EYA4: variants seen among roughly 807,000 people sequenced by gnomAD.
EYA4 encodes EYA transcriptional coactivator and phosphatase 4.
Under a neutral mutation model 87.9 loss-of-function variants are expected in EYA4, and 31 were observed. The observed-to-expected ratio is 0.35, with a 90% CI of 0.27 to 0.48. EYA4 has a LOEUF of 0.48. EYA4 is among the 20% of genes least tolerant of loss of function. EYA4 has a pLI of 0.99. For synonymous variants in EYA4, 263 were observed against 270.6 expected, an observed-to-expected ratio of 0.97 and a Z score of 0.28; for missense variants, 678 against 761.4, an observed-to-expected ratio of 0.89 and a Z score of 1.29.
Position 133,382,401 on chromosome 6 carries a change from A to C in EYA4, c.43A>C (p.Thr15Pro), listed in dbSNP as rs1359824142. The C allele has an allele frequency of 6.2e-7, 1 of 1,609,488 alleles. No homozygotes were observed. The highest frequency in any genetic ancestry group is 1.3e-5 in the African/African-American group (1 of 74,808). Reference sequence around the variant, plus strand: ...TACTCTTTTCTTACAGGTAAAGAAAACGTGCACAGAATCAGATGTTTCACA... The same window carrying C: ...TACTCTTTTCTTACAGGTAAAGAAACCGTGCACAGAATCAGATGTTTCACA... Reference protein sequence around the residue: ...QDLNEQSVKKTCTESDVSQSQ... With the variant: ...QDLNEQSVKKPCTESDVSQSQ... Residue 15 changes from threonine to proline, a missense_variant, in exon 3 of 20, where the codon ACG (threonine) becomes CCG (proline). Coordinates refer to ENST00000355286, the MANE Select transcript of EYA4 (RefSeq NM_004100.5).
rs527474450 is a variant in EYA4, at chr6:133,491,225, T to A, written c.1191+8110T>A. 2.0e-5 allele frequency among the ~76,000 whole-genome samples: 3 copies of A among 151,980 alleles called. No homozygotes were observed. In the South Asian group the frequency reaches 6.2e-4, roughly 32 times the overall value. On this transcript the variant is annotated intron_variant, in intron 13 of 19. Coordinates refer to ENST00000355286, the MANE Select transcript of EYA4 (RefSeq NM_004100.5). The stretch of plus-strand genomic sequence containing the variant: ...AGTGAAAGCAGCACTAAGAGGAAAG[T>A]TTATAGCTATAATTGTCTGCATCAA...
chr6:133,503,616 C>G (rs1042843569), intron 13 of EYA4, among the ~76,000 whole-genome samples: 4 of 152,044 alleles, frequency 2.6e-5, no homozygotes, highest in African/African-American at 4.8e-5. Flanking sequence ...TTGATTTTTC[C>G]TGATATTTCT....
At chr6:133,376,505 CATTAATGTTTCACGATTTGTAATCAGA>C (rs1182983663) in intron 2 of EYA4, among the ~76,000 whole-genome samples, 2 of 151,698 alleles carry the variant, frequency 1.3e-5, no homozygotes, top group Non-Finnish European at 2.9e-5. Flanking sequence ...TTTTTATTCC[CATTAATGTTTCACGATTTGTAATCAGA>C]ACTATTCACT....
chr6:133,272,598 T>A lies in EYA4; in HGVS notation c.-65-2118T>A, dbSNP rs1253565655. Among the ~76,000 whole-genome samples, 2 of 152,186 alleles carry A rather than the reference T, an allele frequency of 1.3e-5. 1 individual carries two copies. The highest frequency in any genetic ancestry group is 4.8e-5 in the African/African-American group (2 of 41,450). On this transcript the variant is annotated intron_variant, in intron 1 of 19. Coordinates refer to ENST00000355286, the MANE Select transcript of EYA4 (RefSeq NM_004100.5). ...CTGTCTCTCAAAAGGAAGGTAGTTA[T>A]CTGTAGAAGATGGTTGGGCCTTGCT... is the stretch of plus-strand genomic sequence containing the variant.
At chr6:133,407,815 A>G (rs1788855074) in intron 3 of EYA4, among the ~76,000 whole-genome samples, 1 of 152,272 alleles carries the variant, frequency 6.6e-6, no homozygotes, top group African/African-American at 2.4e-5. Context: ...AAACCAACTC[A>G]TATTTCTCAA....
chr6:133,260,915 G>T (rs1017239306), intron 1 of EYA4, among the ~76,000 whole-genome samples: 1 of 151,932 alleles, frequency 6.6e-6, no homozygotes, highest in African/African-American at 2.4e-5. Flanking sequence ...CCTGCCCATC[G>T]CCATAAAAGA....
At chr6:133,380,888 T>C (rs1358640180) in intron 2 of EYA4, among the ~76,000 whole-genome samples, 1 of 144,928 alleles carries the variant, frequency 6.9e-6, no homozygotes, top group African/African-American at 2.6e-5. Flanking sequence ...TTCTTCTTCT[T>C]CCCTCCCCTC....
At chr6:133,293,785 A>C (rs1778684711) in intron 2 of EYA4, among the ~76,000 whole-genome samples, 1 of 151,290 alleles carries the variant, frequency 6.6e-6, no homozygotes, top group African/African-American at 2.4e-5. Context: ...AAACATACAA[A>C]AATTAGACAG....
intron 1 of EYA4, among the ~76,000 whole-genome samples, chr6:133,272,475 A>G (rs1776777758): frequency 3.3e-5 from 5 of 152,280 alleles, no homozygotes; most frequent in South Asian, 4.1e-4. Context: ...TGGGTCAGAA[A>G]GCTCCCAGTT....
intron 3 of EYA4, among the ~76,000 whole-genome samples, chr6:133,383,540 A>AAAAC (rs1786434637): frequency 1.3e-5 from 2 of 150,434 alleles, no homozygotes; most frequent in African/African-American, 4.9e-5. Flanking sequence ...AAAAAAAAAA[A>AAAAC]AAAAATGTAA....
intron 2 of EYA4, among the ~76,000 whole-genome samples, chr6:133,347,743 T>A (rs906893581): frequency 2.0e-5 from 3 of 152,204 alleles, no homozygotes. Context: ...ACAGAGTGGT[T>A]AAATAACTTG....
At chr6:133,258,684 T>G (rs529325557) in intron 1 of EYA4, among the ~76,000 whole-genome samples, 105 of 152,238 alleles carry the variant, frequency 6.9e-4, no homozygotes, top group Non-Finnish European at 1.4e-3. Flanking sequence ...ACTTGGTTTC[T>G]GCTTGTATGG....
chr6:133,462,614 T>C lies in EYA4; in HGVS notation c.581-7T>C, dbSNP rs1794497774. The C allele has an allele frequency of 6.2e-7, 1 of 1,613,898 alleles. No individual in the cohort carries two copies. The highest frequency in any genetic ancestry group is 1.1e-5 in the South Asian group (1 of 91,090). ...TAAATGGTTTACACATTCAATTTTC[T>C]GAACAGATTTGGGTGTGATGTTGCC... On this transcript the variant is annotated splice_polypyrimidine_tract_variant and splice_region_variant and intron_variant, in intron 8 of 19. Coordinates refer to ENST00000355286, the MANE Select transcript of EYA4 (RefSeq NM_004100.5).
In EYA4 at chr6:133,461,199, C is replaced by T; in HGVS notation, c.437+19C>T. The T allele has an allele frequency of 1.3e-6, 2 of 1,585,580 alleles. No individual in the cohort carries two copies. Among genetic ancestry groups the T allele is most frequent in the East Asian group, 2.2e-5 (1 of 44,684 alleles). On this transcript the variant is annotated intron_variant, in intron 7 of 19. Transcript: ENST00000355286. ...CTTCCAAGTAAGTGGTCAGTAGATT[C>T]TTGCTTTAAATTGGCAAACATTTAT... is the stretch of plus-strand genomic sequence containing the variant.
chr6:133,299,211 G>A (rs925623310), intron 2 of EYA4, among the ~76,000 whole-genome samples: 6 of 152,154 alleles, frequency 3.9e-5, no homozygotes, highest in Admixed American at 6.5e-5. Context: ...GATGAACCAC[G>A]TGTGTGCAAT....
rs1790921758 is a variant in EYA4, at chr6:133,428,911, C to CTTTTTCTTT, written c.84-17714_84-17713insCTTTTTTTT. Among the ~76,000 whole-genome samples the CTTTTTCTTT allele has an allele frequency of 2.3e-4, 11 of 48,232 alleles. 1 individual carries two copies. Among genetic ancestry groups the CTTTTTCTTT allele is most frequent in the South Asian group, 1.5e-3 (1 of 664 alleles). 31.6% of individuals were successfully genotyped at this position (48,232 alleles called of 152,430 possible). A position where few individuals can be genotyped will look rare whatever the true frequency, so the allele number is the denominator to read the frequency against. On this transcript the variant is annotated intron_variant, in intron 3 of 19. Coordinates refer to ENST00000355286, the MANE Select transcript of EYA4 (RefSeq NM_004100.5). ...CTGGGGCTGAGGGTAGATTTAGCTT[C>CTTTTTCTTT]TTTTTTTTTTTTTTTTTTTTTTTTT... is the stretch of plus-strand genomic sequence containing the variant.
At chr6:133,390,758 T>A (rs1285483644) in intron 3 of EYA4, among the ~76,000 whole-genome samples, 1 of 152,214 alleles carries the variant, frequency 6.6e-6, no homozygotes, top group Non-Finnish European at 1.5e-5. Flanking sequence ...CAAGGGCATC[T>A]ATTTTTAGGT....
At position 133,461,026 on chromosome 6, in the gene EYA4, G is replaced by C. The variant is rs531431337; in HGVS notation, c.371-88G>C. On this transcript the variant is annotated intron_variant, in intron 6 of 19. Coordinates refer to ENST00000355286, the MANE Select transcript of EYA4 (RefSeq NM_004100.5). ...ATTTCTGGAAACATGTATTTAACAT[G>C]GTAATTTCTTCAAATTGGTTATGTA... 6.8e-6 allele frequency: 6 copies of C among 877,000 alleles called. No individual in the cohort carries two copies. The African/African-American group carries it at 9.9e-5, about 14-fold the overall frequency. The allele number at this position is 877,000 out of a possible 1,614,324, so 54.3% of individuals were successfully genotyped here.
intron 2 of EYA4, among the ~76,000 whole-genome samples, chr6:133,304,988 G>C (rs1468060575): frequency 6.6e-6 from 1 of 152,172 alleles, no homozygotes; most frequent in Non-Finnish European, 1.5e-5. Flanking sequence ...GAGGAAGAGG[G>C]AAGGCTGCAA....
Sources: allele counts gnomAD v4.1 joint callset (sites outside exome capture counted in the v4.1 genomes callset), GRCh38; gene constraint gnomAD v4.1.1; transcripts MANE v1.5; gene names NCBI Gene and HGNC (gene_info 2026-07-23, HGNC 2026-07-21).